The following TMTC3 variants were observed in gnomAD, a reference collection of about 807,000 sequenced individuals.
TMTC3 encodes transmembrane O-mannosyltransferase targeting cadherins 3, also known as protein O-mannosyl-transferase TMTC3.
Under a neutral mutation model 92.2 loss-of-function variants are expected in TMTC3, and 52 were observed. The observed-to-expected ratio is 0.56, with a 90% CI of 0.45 to 0.71. The LOEUF is 0.71. Ranked by LOEUF, TMTC3 falls within the 30% of genes least tolerant of loss-of-function variation. The pLI is 0.00. For missense variants in TMTC3, 896 were observed against 1,057.1 expected (o/e 0.85, Z 2.11); for synonymous variants, 339 against 363.3 (o/e 0.93, Z 0.76).
intron 1 of TMTC3, among the ~76,000 whole-genome samples, chr12:88,143,622 T>A (rs1017556120): frequency 2.6e-5 from 4 of 152,258 alleles, no homozygotes; most frequent in African/African-American, 4.8e-5. Context: ...TTGCTATTTT[T>A]ATTAAATGTT....
chr12:88,195,661 A>T lies in TMTC3; in HGVS notation c.*12A>T. 6.4e-7 allele frequency: 1 copy of T among 1,563,894 alleles called. No individual in the cohort carries two copies. Among genetic ancestry groups the T allele is most frequent in the South Asian group, 1.2e-5 (1 of 81,732 alleles). ...TAAATGGTGAATAACATTAATATTT[A>T]TCGTGACAATGGTATCAAAGAACAT... is the stretch of plus-strand genomic sequence containing the variant. On this transcript the variant is annotated 3_prime_UTR_variant, in exon 14 of 14. Transcript: ENST00000266712.
chr12:88,195,608 A>AAT lies in TMTC3; in HGVS notation c.2705_2706insTA (p.Lys902AsnfsTer4), dbSNP rs1304469405. 2 of 1,602,382 alleles carry AAT rather than the reference A, an allele frequency of 1.2e-6. No individual in the cohort carries two copies. The highest frequency in any genetic ancestry group is 2.7e-5 in the African/African-American group (2 of 73,804). On this transcript the variant is annotated frameshift_variant, in exon 14 of 14. Coordinates refer to ENST00000266712, the MANE Select transcript of TMTC3 (RefSeq NM_181783.4). LOFTEE classifies it high-confidence loss of function. The stretch of plus-strand genomic sequence containing the variant: ...TGAGAAGAAAAGAGTTGCTGCTTTA[A>AAT]AAAGACTAGAAGAGATTGAACGTAT...
chr12:88,163,051 G>C (rs2041098773), intron 6 of TMTC3, among the ~76,000 whole-genome samples: 1 of 152,014 alleles, frequency 6.6e-6, no homozygotes, highest in Non-Finnish European at 1.5e-5. Context: ...GAGTAGCTGA[G>C]ACTACAGGCA....
chr12:88,185,079 A>G (rs1246343524), intron 10 of TMTC3, among the ~76,000 whole-genome samples: 1 of 152,182 alleles, frequency 6.6e-6, no homozygotes, highest in Non-Finnish European at 1.5e-5. Context: ...CTTGAAGTAC[A>G]TGTGACATAC....
intron 4 of TMTC3, among the ~76,000 whole-genome samples, chr12:88,159,784 A>C (rs1049131026): frequency 6.6e-6 from 1 of 152,074 alleles, no homozygotes; most frequent in Non-Finnish European, 1.5e-5. Context: ...ATTTGTCTTC[A>C]TTTCAGAATG....
chr12:88,169,930 C>T (rs945734499), intron 7 of TMTC3, among the ~76,000 whole-genome samples: 20 of 77,448 alleles, frequency 2.6e-4, no homozygotes, highest in African/African-American at 1.0e-3. Context: ...CAGACAAGAC[C>T]CTGTCAGAAA....
At chr12:88,157,269 G>A (rs943589457) in intron 4 of TMTC3, among the ~76,000 whole-genome samples, 3 of 151,166 alleles carry the variant, frequency 2.0e-5, no homozygotes, top group Admixed American at 6.6e-5. Flanking sequence ...TGTACTCTTA[G>A]TAATTTTACC....
At chr12:88,145,516 G>A (rs1400799013) in intron 1 of TMTC3, among the ~76,000 whole-genome samples, 1 of 152,122 alleles carries the variant, frequency 6.6e-6, no homozygotes, top group East Asian at 1.9e-4. Context: ...ATTTTGCCAA[G>A]GTTAGGGACA....
At chr12:88,165,321 A>G (rs1197917907) in intron 6 of TMTC3, among the ~76,000 whole-genome samples, 2 of 152,070 alleles carry the variant, frequency 1.3e-5, no homozygotes, top group African/African-American at 2.4e-5. Flanking sequence ...TAAATTCCGA[A>G]TAGTGAATTA....
intron 10 of TMTC3, among the ~76,000 whole-genome samples, chr12:88,180,721 A>G (rs2041308707): frequency 6.6e-6 from 1 of 152,048 alleles, no homozygotes; most frequent in Non-Finnish European, 1.5e-5. Context: ...ACACCATAGT[A>G]TGGTTTGATG....
At chr12:88,187,005 A>G (rs1362938598) in intron 10 of TMTC3, among the ~76,000 whole-genome samples, 1 of 152,098 alleles carries the variant, frequency 6.6e-6, no homozygotes, top group Admixed American at 6.6e-5. Flanking sequence ...GATAATTTCA[A>G]TAACATTTTA....
At chr12:88,194,321 A>G (rs1031437540) in intron 13 of TMTC3, among the ~76,000 whole-genome samples, 6 of 152,130 alleles carry the variant, frequency 3.9e-5, no homozygotes, top group African/African-American at 1.4e-4. Flanking sequence ...TTGAAGTAAC[A>G]TTTTTTAAAA....
At chr12:88,176,418 G>C in intron 10 of TMTC3, 99 bp downstream of exon 10, 1 of 814,238 alleles carries the variant, frequency 1.2e-6, no homozygotes, top group Non-Finnish European at 1.9e-6. Flanking sequence ...GCTTTATTCT[G>C]AGTGACTTGA....
In TMTC3 at chr12:88,160,705, T is replaced by TG. The variant is rs1330348150; in HGVS notation, c.652dup (p.Ala218GlyfsTer10). On this transcript the variant is annotated frameshift_variant, in exon 6 of 14. Transcript: ENST00000266712. LOFTEE classifies it high-confidence loss of function. ...ATACTTTGCCATTACTATGTACTAC[T>TG]GCTGGACAGTTTCTCCGTGGAAAGG... The TG allele has an allele frequency of 4.3e-6, 7 of 1,613,618 alleles. No homozygotes were observed. The highest frequency in any genetic ancestry group is 5.9e-6 in the Non-Finnish European group (7 of 1,179,752).
intron 2 of TMTC3, among the ~76,000 whole-genome samples, chr12:88,150,935 T>G (rs1331049459): frequency 1.3e-5 from 2 of 152,132 alleles, no homozygotes; most frequent in Non-Finnish European, 2.9e-5. Context: ...GTGTTTAGAT[T>G]ATCTCTCTAG....
At chr12:88,172,101 A>G (rs2041211241) in intron 7 of TMTC3, among the ~76,000 whole-genome samples, 1 of 152,060 alleles carries the variant, frequency 6.6e-6, no homozygotes, top group Non-Finnish European at 1.5e-5. Flanking sequence ...AAGTACTTCC[A>G]CTATTTAACT....
At chr12:88,189,073 T>C (rs760791579) in intron 11 of TMTC3, 127 bp downstream of exon 11, 3 of 611,244 alleles carry the variant, frequency 4.9e-6, no homozygotes, top group Non-Finnish European at 8.5e-6. Context: ...TATAAAGAAT[T>C]ACATTTTTCT....
At chr12:88,145,234 A>G (rs373394157) in intron 1 of TMTC3, among the ~76,000 whole-genome samples, 1 of 152,110 alleles carries the variant, frequency 6.6e-6, no homozygotes, top group Non-Finnish European at 1.5e-5. Flanking sequence ...GTTTTGCCTT[A>G]TCTTCATGGC....
intron 6 of TMTC3, among the ~76,000 whole-genome samples, chr12:88,163,571 A>C (rs955427048): frequency 6.6e-6 from 1 of 152,154 alleles, no homozygotes; most frequent in Non-Finnish European, 1.5e-5. Context: ...GGCTCTAAGG[A>C]AGAATTTGTT....
Sources: gnomAD v4.1 joint callset for allele counts (sites outside exome capture counted in the v4.1 genomes callset) on GRCh38, gnomAD v4.1.1 for gene constraint, MANE v1.5 for transcripts, NCBI Gene and HGNC (gene_info 2026-07-23, HGNC 2026-07-21) for gene names.